Variants in CFAP20DC observed in about 807,000 individuals in gnomAD.
The protein encoded by CFAP20DC is CFAP20 domain containing.
A neutral mutation model predicts 101.7 loss-of-function variants in CFAP20DC; 84 were observed. The observed-to-expected ratio is 0.83, with a 90% CI of 0.69 to 0.99. The LOEUF (loss-of-function observed/expected upper bound fraction) is 0.99, where lower values mean the gene tolerates loss of function less well. CFAP20DC is among the 50% of genes least tolerant of loss of function. The probability of loss-of-function intolerance (pLI) is 0.00; values close to 1 mark genes in which losing one functional copy is unlikely to be tolerated. For synonymous variants in CFAP20DC, 359 were observed against 351.2 expected (o/e 1.02, Z -0.25); for missense variants, 1,007 against 970.3 (o/e 1.04, Z -0.50).
intron 13 of CFAP20DC, among the ~76,000 whole-genome samples, chr3:58,848,211 T>C (rs1428421573): frequency 4.0e-5 from 6 of 150,866 alleles, no homozygotes; most frequent in Admixed American, 3.3e-4. Flanking sequence ...ACATGATGAA[T>C]GTTCACAAAA....
At chr3:58,805,113 T>C (rs554154024) in intron 15 of CFAP20DC, among the ~76,000 whole-genome samples, 1 of 152,354 alleles carries the variant, frequency 6.6e-6, no homozygotes, top group African/African-American at 2.4e-5. Context: ...TGGACCAGAA[T>C]GGGCACTTGG....
intron 12 of CFAP20DC, among the ~76,000 whole-genome samples, chr3:58,852,094 C>A (rs925019780): frequency 4.6e-5 from 7 of 152,242 alleles, no homozygotes; most frequent in African/African-American, 1.7e-4. Flanking sequence ...TCCACTTTTG[C>A]TTTGACTGGG....
At chr3:58,979,000 T>C (rs2108471717) in intron 4 of CFAP20DC, among the ~76,000 whole-genome samples, 1 of 152,284 alleles carries the variant, frequency 6.6e-6, no homozygotes, top group Non-Finnish European at 1.5e-5. Flanking sequence ...ATTATCCCAG[T>C]GATAGTGGTG....
chr3:59,008,302 G>A (rs757460187), intron 4 of CFAP20DC, among the ~76,000 whole-genome samples: 1 of 152,184 alleles, frequency 6.6e-6, no homozygotes, highest in Non-Finnish European at 1.5e-5. Context: ...TGGCATGGGA[G>A]CTCTGGTAGT....
intron 4 of CFAP20DC, among the ~76,000 whole-genome samples, chr3:58,986,665 C>A (rs898748517): frequency 2.6e-5 from 4 of 151,982 alleles, no homozygotes; most frequent in African/African-American, 9.7e-5. Context: ...TTTAAACTAC[C>A]CTTGTGAGGG....
chr3:58,994,282 T>G (rs1220392194), intron 4 of CFAP20DC, among the ~76,000 whole-genome samples: 1 of 152,212 alleles, frequency 6.6e-6, no homozygotes, highest in East Asian at 1.9e-4. Context: ...AAGCCTGCAG[T>G]GCTCTCATTG....
At chr3:58,932,509 AG>A (rs1360010250) in intron 5 of CFAP20DC, among the ~76,000 whole-genome samples, 2 of 152,198 alleles carry the variant, frequency 1.3e-5, no homozygotes, top group Non-Finnish European at 2.9e-5. Flanking sequence ...AAAAATGTTA[AG>A]GGCAGCCAGA....
rs747732127 is a variant in CFAP20DC at position 58,884,594 on chromosome 3, G to A, written c.666C>T (p.Arg222=). 3.1e-6 allele frequency: 5 copies of A among 1,613,904 alleles called. No homozygotes were observed. The highest frequency in any genetic ancestry group is 4.2e-6 in the Non-Finnish European group (5 of 1,179,888). Residue 222 remains arginine (R), a synonymous_variant, in exon 7 of 17, where the codon CGC becomes CGT. Coordinates refer to ENST00000482387, the MANE Select transcript of CFAP20DC (RefSeq NM_001394063.1). The part of the protein sequence containing the change: ...VTQLLNMTKL[R]QTEIKFGGHP... The stretch of plus-strand genomic sequence containing the variant: ...GGCCTCCGAATTTTATTTCAGTTTG[G>A]CGAAGTTTAGTCATGTTTAGCAGCT...
At chr3:58,939,640 A>G (rs1002780033) in intron 4 of CFAP20DC, among the ~76,000 whole-genome samples, 1 of 151,322 alleles carries the variant, frequency 6.6e-6, no homozygotes, top group African/African-American at 2.4e-5. Flanking sequence ...TCGTATTTTT[A>G]GTAGAGACAG....
Position 58,742,398 on chromosome 3 carries a change from C to G in CFAP20DC, c.*62G>C. On this transcript the variant is annotated 3_prime_UTR_variant, in exon 17 of 17. Transcript: ENST00000482387. ...ACATAAGTTGTGGTGACTCCTTAAG[C>G]GACCCTGAACTGCTATTCTGCTCCA... 1.4e-6 allele frequency: 2 copies of G among 1,448,368 alleles called. No individual in the cohort carries two copies. Among genetic ancestry groups the G allele is most frequent in the Non-Finnish European group, 1.8e-6 (2 of 1,093,774 alleles). The allele number at this position is 1,448,368 out of a possible 1,614,324, so 89.7% of individuals were successfully genotyped here.
chr3:58,822,434 T>C (rs1354261682), intron 14 of CFAP20DC, among the ~76,000 whole-genome samples: 1 of 148,472 alleles, frequency 6.7e-6, no homozygotes, highest in South Asian at 2.2e-4. Context: ...CTGGGGACTG[T>C]TGTGGGGTGG....
In CFAP20DC at chr3:58,935,029, G is replaced by A. The variant is rs535965563; in HGVS notation, c.393+2619C>T. 1.1e-3 allele frequency among the ~76,000 whole-genome samples: 175 copies of A among 152,242 alleles called. 1 individual carries two copies. Among genetic ancestry groups the A allele is most frequent in the African/African-American group, 3.8e-3 (156 of 41,534 alleles). On this transcript the variant is annotated intron_variant, in intron 5 of 16. Coordinates refer to ENST00000482387, the MANE Select transcript of CFAP20DC (RefSeq NM_001394063.1). The stretch of plus-strand genomic sequence containing the variant: ...GATTGTATATCTAGAAAACCCCATT[G>A]TCTCAGCCCAAAATCTCCTTAAGCT...
intron 5 of CFAP20DC, among the ~76,000 whole-genome samples, chr3:58,926,386 G>C (rs181382634): frequency 6.1e-4 from 92 of 150,368 alleles, no homozygotes; most frequent in African/African-American, 2.2e-3. Flanking sequence ...AGAAGAAGAA[G>C]AAGAAAAAAA....
At chr3:58,901,408 CACA>C (rs1428038006) in intron 6 of CFAP20DC, among the ~76,000 whole-genome samples, 2 of 152,170 alleles carry the variant, frequency 1.3e-5, no homozygotes, top group Non-Finnish European at 2.9e-5. Context: ...GTGACCTTGG[CACA>C]ACAACTCTAC....
In CFAP20DC at chr3:59,049,768, C is replaced by A; in HGVS notation, c.-137G>T. On this transcript the variant is annotated 5_prime_UTR_variant, in exon 1 of 17. Coordinates refer to ENST00000482387, the MANE Select transcript of CFAP20DC (RefSeq NM_001394063.1). ...GAAAGGGCTTCGTGCTTGGCCCAGA[C>A]TTGGGCAGGCTCTTCTCAGCCCCTC... 1 of 1,030,046 alleles carries A rather than the reference C, an allele frequency of 9.7e-7. No individual in the cohort carries two copies. The highest frequency in any genetic ancestry group is 1.4e-6 in the Non-Finnish European group (1 of 720,850). 63.8% of individuals were successfully genotyped at this position (1,030,046 alleles called of 1,614,324 possible).
At chr3:58,785,530 T>A (rs1375962633) in intron 15 of CFAP20DC, among the ~76,000 whole-genome samples, 1 of 151,982 alleles carries the variant, frequency 6.6e-6, no homozygotes, top group Admixed American at 6.6e-5. Context: ...TAACAAAAGA[T>A]CATATGTACT....
chr3:58,815,566 C>T (rs998079533), intron 14 of CFAP20DC, among the ~76,000 whole-genome samples: 1 of 151,208 alleles, frequency 6.6e-6, no homozygotes, highest in African/African-American at 2.4e-5. Flanking sequence ...TCAGAGTGAA[C>T]AGGCAACCTA....
At chr3:58,832,358 G>A (rs538761718) in intron 13 of CFAP20DC, among the ~76,000 whole-genome samples, 58 of 152,174 alleles carry the variant, frequency 3.8e-4, no homozygotes, top group Admixed American at 3.2e-3. Context: ...GCTCTACAAC[G>A]GCAAGCACCA....
rs573645638 is a variant in CFAP20DC, at chr3:59,015,230, C to T, written c.278+24327G>A. ...GCCAGGATGATAGAACTAGCATTTA[C>T]CATTTCCTGTGGCCCTCAGGCACCC... On this transcript the variant is annotated intron_variant, in intron 4 of 16. Coordinates refer to ENST00000482387, the MANE Select transcript of CFAP20DC (RefSeq NM_001394063.1). The surrounding 1 kb of genome is among the most constrained non-coding windows in gnomAD (Gnocchi z 5.4). Among the ~76,000 whole-genome samples the T allele has an allele frequency of 6.6e-6, 1 of 152,148 alleles. No individual in the cohort carries two copies. The highest frequency in any genetic ancestry group is 1.9e-4 in the East Asian group (1 of 5,156).
Sources: allele counts gnomAD v4.1 joint callset (sites outside exome capture counted in the v4.1 genomes callset), GRCh38; gene constraint gnomAD v4.1.1; non-coding constraint Gnocchi (gnomAD v3.1); transcripts MANE v1.5; gene names NCBI Gene and HGNC (gene_info 2026-07-23, HGNC 2026-07-21).